The following TMEM61 variants were observed in gnomAD, a reference collection of about 807,000 sequenced individuals.
The protein encoded by TMEM61 is transmembrane protein 61.
TMEM61 carries 13 observed loss-of-function variants against 12.0 expected under a neutral mutation model. The ratio of observed to expected loss-of-function variants is 1.08; its 90% CI spans 0.70 to 1.72. The LOEUF is 1.72. TMEM61 is among the 40% of genes most tolerant of loss of function. The pLI is 0.00. For missense variants in TMEM61, 249 were observed against 276.9 expected, an observed-to-expected ratio of 0.90 and a Z score of 0.71; for synonymous variants, 109 against 121.4, an observed-to-expected ratio of 0.90 and a Z score of 0.67.
chr1:54,991,612 C>T (rs1056323145), intron 2 of TMEM61, among the ~76,000 whole-genome samples: 11 of 152,214 alleles, frequency 7.2e-5, no homozygotes, highest in African/African-American at 2.4e-5. Flanking sequence ...GGAGCACATA[C>T]AGGGAACTAA....
chr1:54,987,373 C>T (rs544877448), intron 2 of TMEM61, among the ~76,000 whole-genome samples: 2 of 152,134 alleles, frequency 1.3e-5, no homozygotes, highest in East Asian at 3.9e-4. Context: ...ATCTCTCAAC[C>T]TTTTATTTTC....
chr1:54,985,227 G>A (rs1433591416), intron 1 of TMEM61, among the ~76,000 whole-genome samples: 12 of 130,142 alleles, frequency 9.2e-5, no homozygotes, highest in South Asian at 5.1e-4. Context: ...GTATGTGTGT[G>A]TGTGTGTGTG....
intron 1 of TMEM61, among the ~76,000 whole-genome samples, chr1:54,982,813 C>A (rs970182429): frequency 1.3e-5 from 2 of 152,176 alleles, no homozygotes; most frequent in Non-Finnish European, 2.9e-5. Context: ...CAGCAGTAAC[C>A]CTAGTGGACA....
At chr1:54,981,421 C>T (rs1320288279) in intron 1 of TMEM61, among the ~76,000 whole-genome samples, 1 of 152,142 alleles carries the variant, frequency 6.6e-6, no homozygotes, top group Non-Finnish European at 1.5e-5. Flanking sequence ...AGTTCGAGAC[C>T]AGCCTGGGCA....
intron 1 of TMEM61, among the ~76,000 whole-genome samples, chr1:54,985,221 G>A (rs2433676): frequency 0.12 from 334 of 2,708 alleles, no homozygotes; most frequent in Middle Eastern, 0.5. Flanking sequence ...ACGTGTGTAT[G>A]TGTGTGTGTG....
In TMEM61 at chr1:54,991,978, C is replaced by T. The variant is rs750494259; in HGVS notation, c.508C>T (p.Pro170Ser). 1.2e-5 allele frequency: 19 copies of T among 1,614,082 alleles called. No homozygotes were observed. Among genetic ancestry groups the T allele is most frequent in the Non-Finnish European group, 4.2e-6 (5 of 1,180,062 alleles). The change falls in exon 3 of 3, where the codon CCC becomes TCC. Residue 170 changes from proline (P) to serine (S), a missense_variant. Transcript: ENST00000371268. ...GSRDALLSTQ[P>S]AWPPPSYESI... ...GAGGGATGCCCTGCTCAGCACCCAG[C>T]CCGCCTGGCCTCCACCCAGCTATGA...
chr1:54,983,100 T>G (rs1644233796), intron 1 of TMEM61, among the ~76,000 whole-genome samples: 1 of 128,110 alleles, frequency 7.8e-6, no homozygotes, highest in African/African-American at 2.9e-5. Context: ...GTGATTTGTG[T>G]TTTGCTTTGT....
At chr1:54,991,734 G>A (rs1202371492) in intron 2 of TMEM61, 102 bp from the exon 3 acceptor site, 1 of 1,363,156 alleles carries the variant, frequency 7.3e-7, no homozygotes, top group Non-Finnish European at 1.0e-6. Flanking sequence ...GCTTGGAGCA[G>A]GGTGTGAAGA....
chr1:54,986,501 C>A (rs1351161597), intron 2 of TMEM61, 55 bp downstream of exon 2: 1 of 1,356,814 alleles, frequency 7.4e-7, no homozygotes, highest in Non-Finnish European at 1.0e-6. Flanking sequence ...GGCCCAGTCA[C>A]ACCAGCCCAC....
At position 54,986,087 on chromosome 1, in the gene TMEM61, C is replaced by G. The variant is rs748844087; in HGVS notation, c.16-10C>G. The G allele has an allele frequency of 8.3e-6, 13 of 1,567,228 alleles. No homozygotes were observed. The highest frequency in any genetic ancestry group is 1.1e-5 in the Non-Finnish European group (13 of 1,151,786). ...CCCATTTCCTCTTCTCCCTCCTTCTCTGTGTCCAGATGTGTGACGGGAGCC... is the reference window on the plus strand; with the variant it reads ...CCCATTTCCTCTTCTCCCTCCTTCTGTGTGTCCAGATGTGTGACGGGAGCC... On this transcript the variant is annotated splice_polypyrimidine_tract_variant and intron_variant, in intron 1 of 2. Transcript: ENST00000371268.
At chr1:54,983,981 G>C (rs1644241703) in intron 1 of TMEM61, among the ~76,000 whole-genome samples, 1 of 152,068 alleles carries the variant, frequency 6.6e-6, no homozygotes. Flanking sequence ...GAGGTCTAGG[G>C]GTGCAGAAAG....
chr1:54,982,433 A>G (rs1474391659), intron 1 of TMEM61, among the ~76,000 whole-genome samples: 1 of 152,214 alleles, frequency 6.6e-6, no homozygotes, highest in African/African-American at 2.4e-5. Context: ...CAACCACTGC[A>G]CAATGGAACA....
At chr1:54,989,385 C>T (rs1399361686) in intron 2 of TMEM61, among the ~76,000 whole-genome samples, 1 of 152,200 alleles carries the variant, frequency 6.6e-6, no homozygotes, top group Non-Finnish European at 1.5e-5. Context: ...TGTATTTCAT[C>T]CCTTGCCCCA....
rs749102837 is a variant in TMEM61, at chr1:54,986,426, C to T, written c.345C>T (p.Ser115=). Reference sequence around the variant, plus strand: ...ACCTGTACTACCTCACTGTGGAGTCCTCAGAGAAGGAGAGCTGCAGGTCAG... The same window carrying T: ...ACCTGTACTACCTCACTGTGGAGTCTTCAGAGAAGGAGAGCTGCAGGTCAG... ...SRDLYYLTVE[S]SEKESCRTPK... Residue 115 remains serine (S), a synonymous_variant, in exon 2 of 3, where the codon TCC becomes TCT. Transcript: ENST00000371268. 10 of 1,571,208 alleles carry T rather than the reference C, an allele frequency of 6.4e-6. No homozygotes were observed. Among genetic ancestry groups the T allele is most frequent in the Non-Finnish European group, 8.7e-6 (10 of 1,152,188 alleles).
intron 2 of TMEM61, 89 bp from the exon 3 acceptor site, chr1:54,991,747 T>G: frequency 6.8e-7 from 1 of 1,467,004 alleles, no homozygotes; most frequent in Non-Finnish European, 9.3e-7. Context: ...TGTGAAGACT[T>G]CTCTGCCCCC....
chr1:54,985,543 A>G lies in TMEM61; in HGVS notation c.16-554A>G, dbSNP rs146745666. Among the ~76,000 whole-genome samples, 264 of 152,270 alleles carry G rather than the reference A, an allele frequency of 1.7e-3. 2 individuals are homozygous for G. The highest frequency in any genetic ancestry group is 5.8e-3 in the African/African-American group (241 of 41,540). ...TGAGTCACTGCACCTGGCTTGCTGA[A>G]CATCTTTTTCCATAAAGTTTTGCTC... On this transcript the variant is annotated intron_variant, in intron 1 of 2. Coordinates refer to ENST00000371268, the MANE Select transcript of TMEM61 (RefSeq NM_182532.3).
At chr1:54,991,794 C>T in intron 2 of TMEM61, 42 bp from the exon 3 acceptor site, 2 of 1,595,064 alleles carry the variant, frequency 1.3e-6, no homozygotes, top group Non-Finnish European at 1.7e-6. Context: ...GCAGCAGGGT[C>T]TGCCCCAGCC....
chr1:54,985,734 G>A (rs529552607), intron 1 of TMEM61, among the ~76,000 whole-genome samples: 1 of 150,522 alleles, frequency 6.6e-6, no homozygotes, highest in Non-Finnish European at 1.5e-5. Context: ...AGGCCTGGAG[G>A]TTCCAACATG....
At chr1:54,983,945 A>T (rs2495516) in intron 1 of TMEM61, among the ~76,000 whole-genome samples, 2 of 151,842 alleles carry the variant, frequency 1.3e-5, no homozygotes, top group Admixed American at 1.3e-4. Flanking sequence ...GGTAATTTAC[A>T]AATGGAATTT....
Sources: allele counts gnomAD v4.1 joint callset (sites outside exome capture counted in the v4.1 genomes callset), GRCh38; gene constraint gnomAD v4.1.1; transcripts MANE v1.5; gene names NCBI Gene and HGNC (gene_info 2026-07-23, HGNC 2026-07-21).